The following MERTK variants were observed in gnomAD, a reference collection of about 807,000 sequenced individuals.
The protein encoded by MERTK is MER proto-oncogene, tyrosine kinase.
A neutral mutation model predicts 99.3 loss-of-function variants in MERTK; 69 were observed. The observed-to-expected ratio is 0.70, with a 90% CI of 0.57 to 0.85. The LOEUF is 0.85. Among genes scored for constraint, MERTK ranks in the 40% least tolerant of loss-of-function variants. The pLI is 0.00. For synonymous variants in MERTK, 426 were observed against 467.6 expected (o/e 0.91, Z 1.15); for missense variants, 1,125 against 1,249.4 (o/e 0.90, Z 1.50).
rs369221182 is a variant in MERTK at position 112,022,470 on chromosome 2, C to T, written c.2486+76C>T. The T allele has an allele frequency of 3.1e-6, 5 of 1,601,400 alleles. No individual in the cohort carries two copies. In the African/African-American group the frequency reaches 6.7e-5, roughly 21 times the overall value. ...TGGCTCTGCACTGACCTCGGAAACA[C>T]AGCCATGGGAGGGGAAAGGGACTGC... On this transcript the variant is annotated intron_variant, in intron 18 of 18. Transcript: ENST00000295408.
rs574014976 is a variant in MERTK at position 111,988,607 on chromosome 2, GC to G, written c.1296+5616del. Among the ~76,000 whole-genome samples, 17 of 152,326 alleles carry G rather than the reference GC, an allele frequency of 1.1e-4. No homozygotes were observed. In the East Asian group the frequency reaches 3.1e-3, roughly 28 times the overall value. On this transcript the variant is annotated intron_variant, in intron 8 of 18. Transcript: ENST00000295408. ...AGCCACCACTGATTACTTGCAGCAT[GC>G]CAGATCGTGTACTATGTGTTTTACA...
intron 4 of MERTK, among the ~76,000 whole-genome samples, chr2:111,961,000 TGA>T (rs1685239497): frequency 6.6e-6 from 1 of 151,750 alleles, no homozygotes; most frequent in Admixed American, 6.6e-5. Context: ...GTAATGGGTG[TGA>T]GAGAAATATT....
intron 4 of MERTK, among the ~76,000 whole-genome samples, chr2:111,954,399 T>A (rs1467265266): frequency 6.6e-6 from 1 of 152,200 alleles, no homozygotes; most frequent in Non-Finnish European, 1.5e-5. Flanking sequence ...CCCCATTGCA[T>A]TGAAGAACAA....
intron 1 of MERTK, among the ~76,000 whole-genome samples, chr2:111,904,234 A>G (rs1558765442): frequency 6.6e-6 from 1 of 152,218 alleles, no homozygotes; most frequent in Non-Finnish European, 1.5e-5. Flanking sequence ...TGTGCCTCTC[A>G]GGAAGGTATA....
At chr2:111,922,366 A>C (rs1395656048) in intron 1 of MERTK, among the ~76,000 whole-genome samples, 1 of 152,206 alleles carries the variant, frequency 6.6e-6, no homozygotes, top group Non-Finnish European at 1.5e-5. Context: ...GCTGGTGGAG[A>C]CCATCCCTGG....
Position 111,965,297 on chromosome 2 carries a change from T to A in MERTK, c.844+20T>A. On this transcript the variant is annotated intron_variant, in intron 5 of 18. Transcript: ENST00000295408. ...TCAAAGGTAAGCAGCAAGGCTAGGC[T>A]CCCCATGCATGTTCTGGGAGCTGGT... 2 of 1,612,222 alleles carry A rather than the reference T, an allele frequency of 1.2e-6. No individual in the cohort carries two copies. The highest frequency in any genetic ancestry group is 1.7e-6 in the Non-Finnish European group (2 of 1,178,396).
intron 4 of MERTK, among the ~76,000 whole-genome samples, chr2:111,956,231 A>G (rs1238760799): frequency 1.3e-5 from 2 of 152,214 alleles, no homozygotes; most frequent in Non-Finnish European, 2.9e-5. Flanking sequence ...TAGGGATAAT[A>G]GCAGTGTCTA....
chr2:111,989,362 T>A (rs937799224), intron 8 of MERTK, among the ~76,000 whole-genome samples: 5 of 148,922 alleles, frequency 3.4e-5, no homozygotes, highest in African/African-American at 1.2e-4. Context: ...TGTGAATTCT[T>A]TTTTTTTTTT....
At chr2:111,914,241 C>T (rs926620540) in intron 1 of MERTK, among the ~76,000 whole-genome samples, 17 of 151,336 alleles carry the variant, frequency 1.1e-4, no homozygotes, top group African/African-American at 3.4e-4. Context: ...GTAGCCAGGA[C>T]TACAGGTGTG....
At chr2:111,981,755 A>G (rs1676377072) in intron 7 of MERTK, among the ~76,000 whole-genome samples, 1 of 152,046 alleles carries the variant, frequency 6.6e-6, no homozygotes, top group African/African-American at 2.4e-5. Flanking sequence ...ACACACACAC[A>G]CACACACACA....
In MERTK at chr2:112,004,115, AG is replaced by A. The variant is rs1327221953; in HGVS notation, c.1867+136del. On this transcript the variant is annotated intron_variant, in intron 13 of 18. Coordinates refer to ENST00000295408, the MANE Select transcript of MERTK (RefSeq NM_006343.3). ...AGGCAATGTGGAACACTGGTCACCA[AG>A]GGGGACTTACTTTAATGAGCTCTTC... The A allele has an allele frequency of 2.1e-5, 16 of 753,182 alleles. No homozygotes were observed. The Admixed American group carries it at 3.2e-4, about 15-fold the overall frequency. 46.7% of individuals were successfully genotyped at this position (753,182 alleles called of 1,614,324 possible).
chr2:111,903,752 T>C (rs1308855906), intron 1 of MERTK, among the ~76,000 whole-genome samples: 1 of 152,210 alleles, frequency 6.6e-6, no homozygotes, highest in Non-Finnish European at 1.5e-5. Context: ...GGTGATTAAC[T>C]TTCAGGACCT....
At chr2:111,910,610 G>GTGTGTGTATATA (rs370882764) in intron 1 of MERTK, among the ~76,000 whole-genome samples, 117 of 143,658 alleles carry the variant, frequency 8.1e-4, no homozygotes, top group Non-Finnish European at 1.3e-3. Context: ...GTGTGTGTGT[G>GTGTGTGTATATA]TATATATATA....
intron 4 of MERTK, among the ~76,000 whole-genome samples, chr2:111,961,151 T>C (rs967967145): frequency 6.7e-6 from 1 of 149,004 alleles, no homozygotes; most frequent in African/African-American, 2.4e-5. Context: ...CTTTAAATTT[T>C]CTTTCTTTTT....
chr2:112,005,010 G>A (rs1298967440), intron 13 of MERTK, among the ~76,000 whole-genome samples: 1 of 152,190 alleles, frequency 6.6e-6, no homozygotes, highest in Non-Finnish European at 1.5e-5. Flanking sequence ...GACAAAAATA[G>A]TGGTAGATGC....
intron 7 of MERTK, among the ~76,000 whole-genome samples, chr2:111,981,333 A>AT (rs911556146): frequency 1.3e-5 from 2 of 152,000 alleles, no homozygotes; most frequent in African/African-American, 4.8e-5. Context: ...CCCCCATTGG[A>AT]TTTTTTTATA....
Position 111,916,068 on chromosome 2 carries a change from TA to T in MERTK, c.62-13051del, listed in dbSNP as rs145856856. ...TATCATTGATCTTCGAAAGAATGTG[TA>T]TTCTATTGTTGGGAAGAGTGTTCTA... On this transcript the variant is annotated intron_variant, in intron 1 of 18. Transcript: ENST00000295408. 3.8e-3 allele frequency among the ~76,000 whole-genome samples: 572 copies of T among 152,328 alleles called. 17 individuals are homozygous for T. Among genetic ancestry groups the T allele is most frequent in the Admixed American group, 0.025 (383 of 15,304 alleles).
chr2:111,992,750 C>CAA (rs35097651), intron 8 of MERTK, among the ~76,000 whole-genome samples: 20 of 104,636 alleles, frequency 1.9e-4, no homozygotes, highest in Non-Finnish European at 3.4e-4. Flanking sequence ...GACTCCGTCT[C>CAA]AAAAAAAAAA....
At chr2:111,938,581 G>A (rs548866926) in intron 2 of MERTK, among the ~76,000 whole-genome samples, 1 of 152,308 alleles carries the variant, frequency 6.6e-6, no homozygotes, top group South Asian at 2.1e-4. Flanking sequence ...AGCCTGTGCT[G>A]CCCTGGGGTG....
Sources: allele counts gnomAD v4.1 joint callset (sites outside exome capture counted in the v4.1 genomes callset), GRCh38; gene constraint gnomAD v4.1.1; transcripts MANE v1.5; gene names NCBI Gene and HGNC (gene_info 2026-07-23, HGNC 2026-07-21).